The following SEM1 variants were observed in gnomAD, a reference collection of about 807,000 sequenced individuals.
The protein encoded by SEM1 is SEM1 26S proteasome subunit.
A neutral mutation model predicts 12.7 loss-of-function variants in SEM1; 3 were observed. The observed-to-expected ratio is 0.24, with a 90% CI of 0.11 to 0.61. The LOEUF is 0.61. SEM1 is among the 20% of genes least tolerant of loss of function. The pLI, the probability that SEM1 is intolerant of heterozygous loss-of-function variation, is 0.88. For missense variants in SEM1, 59 were observed against 81.3 expected (o/e 0.73, Z 1.06); for synonymous variants, 30 against 27.8 (o/e 1.08, Z -0.25).
At chr7:96,666,932 G>A (rs543631965) in intron 2 of SEM1, among the ~76,000 whole-genome samples, 1 of 152,172 alleles carries the variant, frequency 6.6e-6, no homozygotes, top group Non-Finnish European at 1.5e-5. Context: ...TCTCCTCTTT[G>A]GGCCAACTTG....
At chr7:96,631,789 T>G (rs1165948687) in intron 2 of SEM1, among the ~76,000 whole-genome samples, 1 of 152,030 alleles carries the variant, frequency 6.6e-6, no homozygotes, top group Non-Finnish European at 1.5e-5. Flanking sequence ...GGGAGAAAAT[T>G]TTTGCAATGT....
At chr7:96,653,812 C>G (rs1809083576) in intron 2 of SEM1, 2 of 152,242 alleles carry the variant, frequency 1.3e-5, no homozygotes. Context: ...CATCCTCCAC[C>G]TAACAACACA....
chr7:96,561,642 C>G (rs4486124), intron 2 of SEM1, among the ~76,000 whole-genome samples: 1 of 152,046 alleles, frequency 6.6e-6, no homozygotes, highest in Non-Finnish European at 1.5e-5. Flanking sequence ...ACTTGAACAT[C>G]GGTTCCATAT....
At chr7:96,662,696 T>G (rs2116530260) in intron 2 of SEM1, among the ~76,000 whole-genome samples, 1 of 152,250 alleles carries the variant, frequency 6.6e-6, no homozygotes, top group Middle Eastern at 3.4e-3. Flanking sequence ...TAAAAATAAT[T>G]TTTTAAAAAA....
At chr7:96,578,816 A>G (rs771301852) in intron 2 of SEM1, among the ~76,000 whole-genome samples, 1 of 152,218 alleles carries the variant, frequency 6.6e-6, no homozygotes, top group Non-Finnish European at 1.5e-5. Flanking sequence ...ACCCTTTGCT[A>G]GTATAGTTAG....
At chr7:96,528,386 T>G (rs996743042) in intron 2 of SEM1, among the ~76,000 whole-genome samples, 1 of 152,084 alleles carries the variant, frequency 6.6e-6, no homozygotes, top group African/African-American at 2.4e-5. Flanking sequence ...GAGACTGGGT[T>G]TCACCATGTT....
intron 1 of SEM1, among the ~76,000 whole-genome samples, chr7:96,490,805 C>T (rs1802976684): frequency 6.6e-6 from 1 of 151,800 alleles, no homozygotes; most frequent in Admixed American, 6.6e-5. Flanking sequence ...GGATCACAAT[C>T]AAAATTGTCC....
At chr7:96,604,034 T>G (rs994666609) in intron 2 of SEM1, among the ~76,000 whole-genome samples, 2 of 152,184 alleles carry the variant, frequency 1.3e-5, no homozygotes, top group African/African-American at 2.4e-5. Flanking sequence ...CATTTTAAAT[T>G]TTGATTTCAA....
intron 2 of SEM1, among the ~76,000 whole-genome samples, chr7:96,651,876 A>C (rs1223099614): frequency 1.3e-5 from 2 of 152,134 alleles, no homozygotes; most frequent in Admixed American, 1.3e-4. Flanking sequence ...CCTGGCTGCA[A>C]AAGGGTTTTA....
At chr7:96,669,413 T>C (rs945783132), downstream of SEM1, among the ~76,000 whole-genome samples, 1 of 152,192 alleles carries the variant, frequency 6.6e-6, no homozygotes, top group East Asian at 1.9e-4. Context: ...ACTTTATTTA[T>C]AGACACTGAA....
intron 2 of SEM1, among the ~76,000 whole-genome samples, chr7:96,545,958 T>C (rs1805090430): frequency 6.6e-6 from 1 of 152,088 alleles, no homozygotes; most frequent in Non-Finnish European, 1.5e-5. Flanking sequence ...TCAGAAATGG[T>C]GCTGAAGAAT....
chr7:96,697,735 GT>G lies in SEM1; in HGVS notation c.77-2845del, dbSNP rs533409330. The stretch of plus-strand genomic sequence containing the variant: ...ATTGAACATTCACCATCTTAGGTGT[GT>G]GTAAAAGAGAAGAGCAATACTTACA... On this transcript the variant is annotated intron_variant, in intron 1 of 2. Transcript: ENST00000248566. Among the ~76,000 whole-genome samples the G allele has an allele frequency of 2.7e-3, 405 of 152,240 alleles. 3 individuals are homozygous for G. The highest frequency in any genetic ancestry group is 9.4e-3 in the African/African-American group (391 of 41,542).
chr7:96,645,109 T>C (rs1373384592), intron 2 of SEM1, among the ~76,000 whole-genome samples: 1 of 152,178 alleles, frequency 6.6e-6, no homozygotes, highest in Non-Finnish European at 1.5e-5. Context: ...ATCATACAGA[T>C]GTTAGACTAT....
intron 2 of SEM1, among the ~76,000 whole-genome samples, chr7:96,693,430 CCAAAG>C (rs1469705097): frequency 6.6e-6 from 1 of 151,700 alleles, no homozygotes. Context: ...AAAAATTAAC[CCAAAG>C]CAAAGACTGA....
At chr7:96,606,581 A>T (rs1206443234) in intron 2 of SEM1, among the ~76,000 whole-genome samples, 2 of 152,230 alleles carry the variant, frequency 1.3e-5, no homozygotes, top group Non-Finnish European at 2.9e-5. Flanking sequence ...TGGCACAACT[A>T]TTAGAAAAAA....
At chr7:96,594,919 G>A (rs1370737323) in intron 2 of SEM1, among the ~76,000 whole-genome samples, 1 of 152,104 alleles carries the variant, frequency 6.6e-6, no homozygotes, top group East Asian at 1.9e-4. Context: ...AACAAAAGGA[G>A]TAGTTTATTA....
At chr7:96,705,623 C>T (rs1790432197) in intron 1 of SEM1, among the ~76,000 whole-genome samples, 2 of 151,890 alleles carry the variant, frequency 1.3e-5, no homozygotes, top group South Asian at 2.1e-4. Flanking sequence ...GTCAGGAGAT[C>T]GAGACCATCC....
chr7:96,515,115 A>C (rs1804048586), intron 2 of SEM1, among the ~76,000 whole-genome samples: 1 of 152,166 alleles, frequency 6.6e-6, no homozygotes, highest in African/African-American at 2.4e-5. Context: ...ATATTTGACA[A>C]AAGGGCAATG....
rs567137643 is a variant in SEM1 at position 96,577,104 on chromosome 7, C to A, written c.171-70406G>T. Among the ~76,000 whole-genome samples the A allele has an allele frequency of 8.8e-3, 795 of 89,940 alleles. 11 individuals are homozygous for A. The highest frequency in any genetic ancestry group is 0.034 in the African/African-American group (760 of 22,320). The allele number at this position is 89,940 out of a possible 152,430, so 59.0% of individuals were successfully genotyped here. On this transcript the variant is annotated intron_variant and NMD_transcript_variant, in intron 2 of 3. Coordinates refer to the SEM1 transcript ENST00000466986. ...TGCACTCCAACCTGGGCAACAAGAG[C>A]AAAACTCTGTCAAAAAAAAAAAAAT...
Sources: allele counts gnomAD v4.1 joint callset (sites outside exome capture counted in the v4.1 genomes callset), GRCh38; gene constraint gnomAD v4.1.1; transcripts MANE v1.5; gene names NCBI Gene and HGNC (gene_info 2026-07-23, HGNC 2026-07-21).